Variants in CCSER1 observed in about 807,000 individuals in gnomAD.
CCSER1 encodes the protein coiled-coil serine rich protein 1.
In CCSER1, 41 loss-of-function variants were observed where a neutral mutation model predicts 82.0. The ratio of observed to expected loss-of-function variants is 0.50; its 90% CI spans 0.39 to 0.65. The LOEUF is 0.65. Among genes scored for constraint, CCSER1 ranks in the 30% least tolerant of loss-of-function variants. The pLI is 0.00. For synonymous variants in CCSER1, 414 were observed against 383.9 expected, an observed-to-expected ratio of 1.08 and a Z score of -0.92; for missense variants, 1,119 against 1,064.2, an observed-to-expected ratio of 1.05 and a Z score of -0.72.
intron 10 of CCSER1, among the ~76,000 whole-genome samples, chr4:91,149,876 C>T (rs1044720067): frequency 3.9e-5 from 6 of 152,156 alleles, no homozygotes; most frequent in African/African-American, 1.4e-4. Context: ...GTTTTGGTTA[C>T]TGTAGCCTTG....
chr4:91,154,634 T>A (rs757349634), intron 10 of CCSER1, among the ~76,000 whole-genome samples: 1 of 152,080 alleles, frequency 6.6e-6, no homozygotes, highest in Non-Finnish European at 1.5e-5. Flanking sequence ...AGCTGTAGAC[T>A]GGAGCTCTTC....
intron 4 of CCSER1, among the ~76,000 whole-genome samples, chr4:90,422,929 T>A (rs1756928029): frequency 6.6e-6 from 1 of 152,176 alleles, no homozygotes; most frequent in South Asian, 2.1e-4. Flanking sequence ...ATGGATTAAA[T>A]CAGCTTATCG....
At chr4:90,481,525 T>C (rs961361060) in intron 5 of CCSER1, among the ~76,000 whole-genome samples, 1 of 152,236 alleles carries the variant, frequency 6.6e-6, no homozygotes, top group Non-Finnish European at 1.5e-5. Context: ...AAAGCGCTTA[T>C]TATTTTGAGA....
intron 10 of CCSER1, among the ~76,000 whole-genome samples, chr4:91,145,593 T>C (rs993274785): frequency 7.2e-5 from 11 of 152,160 alleles, no homozygotes; most frequent in African/African-American, 1.2e-4. Flanking sequence ...TGAGTATTTT[T>C]CTTTCATTTC....
intron 1 of CCSER1, among the ~76,000 whole-genome samples, chr4:90,275,640 T>C (rs1727406023): frequency 6.6e-6 from 1 of 152,156 alleles, no homozygotes; most frequent in Non-Finnish European, 1.5e-5. Flanking sequence ...CCCTGTGTGG[T>C]TGCATAGATT....
intron 10 of CCSER1, among the ~76,000 whole-genome samples, chr4:91,175,271 C>T (rs934494533): frequency 1.3e-5 from 2 of 151,952 alleles, no homozygotes; most frequent in Non-Finnish European, 2.9e-5. Context: ...TGAATAGTGC[C>T]GTAATAAACA....
At chr4:91,159,980 G>T (rs1731213430) in intron 10 of CCSER1, among the ~76,000 whole-genome samples, 1 of 151,892 alleles carries the variant, frequency 6.6e-6, no homozygotes, top group Admixed American at 6.6e-5. Context: ...CATGTGCCAT[G>T]TTGGTTTGCT....
At chr4:90,647,457 T>C (rs946437027) in intron 6 of CCSER1, among the ~76,000 whole-genome samples, 4 of 152,186 alleles carry the variant, frequency 2.6e-5, no homozygotes, top group Non-Finnish European at 5.9e-5. Flanking sequence ...TTCAAACTTC[T>C]TAGAAATGTT....
At chr4:91,564,879 T>C (rs879863677) in intron 10 of CCSER1, among the ~76,000 whole-genome samples, 2 of 152,080 alleles carry the variant, frequency 1.3e-5, no homozygotes, top group African/African-American at 2.4e-5. Flanking sequence ...ATCCCACTTG[T>C]CAATTTTTGC....
At chr4:90,800,075 A>G (rs1453058601) in intron 7 of CCSER1, among the ~76,000 whole-genome samples, 1 of 152,144 alleles carries the variant, frequency 6.6e-6, no homozygotes, top group African/African-American at 2.4e-5. Flanking sequence ...AAGGCCTGTT[A>G]GGAGCATGCC....
chr4:90,748,242 T>C (rs1195630107), intron 7 of CCSER1, among the ~76,000 whole-genome samples: 1 of 137,412 alleles, frequency 7.3e-6, no homozygotes, highest in Non-Finnish European at 1.5e-5. Context: ...TGTGTCCATG[T>C]GATCTCATTG....
chr4:91,059,204 C>T (rs914401013), intron 9 of CCSER1, among the ~76,000 whole-genome samples: 6 of 151,112 alleles, frequency 4.0e-5, no homozygotes, highest in African/African-American at 1.5e-4. Context: ...CTATATTATT[C>T]ATAGCAGATT....
At chr4:91,403,277 A>G (rs1014874973) in intron 10 of CCSER1, among the ~76,000 whole-genome samples, 1 of 152,226 alleles carries the variant, frequency 6.6e-6, no homozygotes, top group Admixed American at 6.5e-5. Flanking sequence ...GTCGCTTATC[A>G]GATTAAGGAG....
chr4:91,024,554 C>T lies in CCSER1; in HGVS notation c.2173-61396C>T, dbSNP rs192591371. Among the ~76,000 whole-genome samples, 236 of 152,108 alleles carry T rather than the reference C, an allele frequency of 1.6e-3. 4 individuals are homozygous for T. Among genetic ancestry groups the T allele is most frequent in the Admixed American group, 0.011 (166 of 15,258 alleles). On this transcript the variant is annotated intron_variant, in intron 9 of 10. Transcript: ENST00000509176. ...AAAATCTGTGAATACTAAAATCCTT[C>T]ATTAACTGGTGCCAACATTTTTCCA...
In CCSER1 at chr4:90,932,943, AAAGAAAGAAAGAAAGAAAGAAAGAAAG is replaced by A. The variant is rs1561384262; in HGVS notation, c.2172+9499_2172+9525del. 2.6e-3 allele frequency among the ~76,000 whole-genome samples: 104 copies of A among 39,510 alleles called. 24 individuals are homozygous for A. The highest frequency in any genetic ancestry group is 0.017 in the African/African-American group (95 of 5,756). The allele number at this position is 39,510 out of a possible 152,430, so 25.9% of individuals were successfully genotyped here. On this transcript the variant is annotated intron_variant, in intron 9 of 10. Coordinates refer to ENST00000509176, the MANE Select transcript of CCSER1 (RefSeq NM_001145065.2). The stretch of plus-strand genomic sequence containing the variant: ...GAAAGAAAGAAAGAAAGAAAGAAAG[AAAGAAAGAAAGAAAGAAAGAAAGAAAG>A]AAAGAAAGAAAGAGAAAGAAAGAAA...
intron 3 of CCSER1, among the ~76,000 whole-genome samples, chr4:90,324,079 T>G (rs1418884458): frequency 6.6e-6 from 1 of 152,206 alleles, no homozygotes; most frequent in Non-Finnish European, 1.5e-5. Flanking sequence ...TGGTTGGACA[T>G]TTGGGTTGGT....
At chr4:90,489,448 T>C (rs1578757998) in intron 5 of CCSER1, among the ~76,000 whole-genome samples, 1 of 152,124 alleles carries the variant, frequency 6.6e-6, no homozygotes, top group Admixed American at 6.6e-5. Context: ...CATTCTTATA[T>C]CAATTGAGTT....
At chr4:90,167,571 C>G (rs889606660) in intron 1 of CCSER1, among the ~76,000 whole-genome samples, 1 of 151,998 alleles carries the variant, frequency 6.6e-6, no homozygotes, top group Admixed American at 6.6e-5. Context: ...TGCGCCGCAC[C>G]CAGTAACTCG....
At chr4:91,490,005 T>C (rs763032010) in intron 10 of CCSER1, among the ~76,000 whole-genome samples, 3 of 152,152 alleles carry the variant, frequency 2.0e-5, no homozygotes, top group Non-Finnish European at 4.4e-5. Context: ...TTCAACATCA[T>C]TGATCCTCAG....
Sources: gnomAD v4.1 joint callset for allele counts (sites outside exome capture counted in the v4.1 genomes callset) on GRCh38, gnomAD v4.1.1 for gene constraint, MANE v1.5 for transcripts, NCBI Gene and HGNC (gene_info 2026-07-23, HGNC 2026-07-21) for gene names.